The following GPC3 variants were observed in gnomAD, a reference collection of about 807,000 sequenced individuals.
The protein encoded by GPC3 is glypican 3, also known as glypican-3.
Under a neutral mutation model 34.4 loss-of-function variants are expected in GPC3, and 3 were observed. The ratio of observed to expected loss-of-function variants is 0.09; its 90% CI spans 0.04 to 0.23. The LOEUF (loss-of-function observed/expected upper bound fraction) is 0.23. Among genes scored for constraint, GPC3 ranks in the 10% least tolerant of loss-of-function variants. The pLI, the probability that GPC3 is intolerant of heterozygous loss-of-function variation, is 1.00. For synonymous variants in GPC3, 177 were observed against 174.0 expected (o/e 1.02, Z -0.13); for missense variants, 351 against 445.6 (o/e 0.79, Z 1.91).
chrX:133,810,861 CAAAAAA>C (rs11433697), intron 2 of GPC3, among the ~76,000 whole-genome samples: 1 of 61,173 alleles, frequency 1.6e-5, no homozygotes. Flanking sequence ...GACTCCGTCT[CAAAAAA>C]AAAAAAAAAA....
At chrX:133,734,119 T>A (rs1438040780) in intron 3 of GPC3, among the ~76,000 whole-genome samples, 1 of 111,746 alleles carries the variant, frequency 8.9e-6, no homozygotes, top group Non-Finnish European at 1.9e-5. Context: ...ATATTTCTCA[T>A]AAGGACAGAT....
At chrX:133,661,509 C>T (rs897209920) in intron 6 of GPC3, among the ~76,000 whole-genome samples, 5 of 103,600 alleles carry the variant, frequency 4.8e-5, no homozygotes, top group Admixed American at 1.1e-4. Context: ...GAAATAATAG[C>T]GTCTTTCCTA....
rs186483311 is a variant in GPC3 at position 133,946,296 on chromosome X, G to A, written c.337+6754C>T. Among the ~76,000 whole-genome samples, 15 of 111,680 alleles carry A rather than the reference G, an allele frequency of 1.3e-4. No individual in the cohort carries two copies. In the East Asian group the frequency reaches 1.7e-3, roughly 13 times the overall value. On this transcript the variant is annotated intron_variant, in intron 2 of 7. Transcript: ENST00000370818. ...CAGGCTATGGAGCTGTACTTCCTGCGTTCAATTCTTGTCTCTGCCATCTAT... is the reference window on the plus strand; with the variant it reads ...CAGGCTATGGAGCTGTACTTCCTGCATTCAATTCTTGTCTCTGCCATCTAT...
At chrX:133,617,702 A>T in intron 6 of GPC3, among the ~76,000 whole-genome samples, 1 of 112,204 alleles carries the variant, frequency 8.9e-6, no homozygotes, top group Non-Finnish European at 1.9e-5. Context: ...GAATATAGAG[A>T]TCAATTTGTG....
rs188823869 is a variant in GPC3, at chrX:133,652,089, C to T, written c.1413+9641G>A. ...AATTTCATTAAGATGTGACACCAGA[C>T]TTTCTGGTTTGTGGCTTCCAGAATC... On this transcript the variant is annotated intron_variant, in intron 6 of 7. Coordinates refer to ENST00000370818, the MANE Select transcript of GPC3 (RefSeq NM_004484.4). Among the ~76,000 whole-genome samples the T allele has an allele frequency of 2.1e-4, 24 of 112,388 alleles. No homozygotes were observed. The Admixed American group carries it at 2.2e-3, about 10-fold the overall frequency.
chrX:133,753,079 G>A (rs1262228271), intron 3 of GPC3, among the ~76,000 whole-genome samples: 4 of 111,745 alleles, frequency 3.6e-5, no homozygotes, highest in Admixed American at 9.5e-5. Context: ...GTCATCTATT[G>A]TGTATCAATA....
intron 6 of GPC3, among the ~76,000 whole-genome samples, chrX:133,634,918 C>A (rs1433303715): frequency 2.7e-5 from 3 of 111,766 alleles, no homozygotes; most frequent in Non-Finnish European, 5.6e-5. Flanking sequence ...GGAACTCAAG[C>A]TTGGATTAAA....
At chrX:133,768,153 G>C (rs985436505) in intron 2 of GPC3, among the ~76,000 whole-genome samples, 3 of 111,060 alleles carry the variant, frequency 2.7e-5, no homozygotes, top group African/African-American at 9.9e-5. Context: ...TGATTGCTGA[G>C]GAGTTTGATA....
intron 2 of GPC3, among the ~76,000 whole-genome samples, chrX:133,885,692 C>T (rs1280756579): frequency 9.0e-6 from 1 of 111,450 alleles, no homozygotes; most frequent in Non-Finnish European, 1.9e-5. Flanking sequence ...AAAGTCCAAA[C>T]AAAGACTGGG....
intron 2 of GPC3, among the ~76,000 whole-genome samples, chrX:133,952,688 A>C (rs1359876550): frequency 8.9e-6 from 1 of 112,490 alleles, no homozygotes; most frequent in Non-Finnish European, 1.9e-5. Flanking sequence ...CATGTATCCC[A>C]CAAGCATCTA....
chrX:133,674,058 CTACAAAA>C (rs1459874279), intron 5 of GPC3, among the ~76,000 whole-genome samples: 2 of 110,247 alleles, frequency 1.8e-5, no homozygotes, highest in Non-Finnish European at 1.9e-5. Flanking sequence ...GACCTCATCT[CTACAAAA>C]CTTAAAAACA....
At chrX:133,638,809 T>C (rs2070453414) in intron 6 of GPC3, among the ~76,000 whole-genome samples, 1 of 92,338 alleles carries the variant, frequency 1.1e-5, no homozygotes, top group Non-Finnish European at 2.0e-5. Context: ...ACACTAACAA[T>C]AGCTGATGAG....
In GPC3 at chrX:133,761,616, A is replaced by T. The variant is rs370242529; in HGVS notation, c.338-7440T>A. 9.9e-4 allele frequency among the ~76,000 whole-genome samples: 111 copies of T among 112,054 alleles called. 3 individuals are homozygous for T. In the South Asian group the frequency reaches 0.041, roughly 41 times the overall value. ...TAGATGGAGAGATAGATAGATACAG[A>T]TATTTCCCTAAAGGCTATTATAGAT... is the stretch of plus-strand genomic sequence containing the variant. On this transcript the variant is annotated intron_variant, in intron 2 of 7. Coordinates refer to ENST00000370818, the MANE Select transcript of GPC3 (RefSeq NM_004484.4).
intron 2 of GPC3, among the ~76,000 whole-genome samples, chrX:133,912,441 T>C (rs1243891157): frequency 2.7e-5 from 3 of 111,788 alleles, no homozygotes; most frequent in Admixed American, 1.9e-4. Flanking sequence ...CACTGTATGA[T>C]AGCTTAAACT....
intron 6 of GPC3, among the ~76,000 whole-genome samples, chrX:133,632,706 C>T (rs1307531951): frequency 9.0e-6 from 1 of 111,494 alleles, no homozygotes; most frequent in Non-Finnish European, 1.9e-5. Context: ...CTGCCTTATA[C>T]TATTTTCTAA....
intron 2 of GPC3, among the ~76,000 whole-genome samples, chrX:133,844,667 A>G (rs914931308): frequency 6.3e-5 from 7 of 111,729 alleles, no homozygotes. Flanking sequence ...CTTATTCTTC[A>G]CATTCTAAGG....
At chrX:133,779,694 C>G (rs1260740697) in intron 2 of GPC3, among the ~76,000 whole-genome samples, 1 of 110,835 alleles carries the variant, frequency 9.0e-6, no homozygotes, top group Non-Finnish European at 1.9e-5. Context: ...CCAATTTTAT[C>G]TTGCATGGGT....
chrX:133,605,755 CA>C (rs774946775), intron 6 of GPC3, among the ~76,000 whole-genome samples: 3 of 109,976 alleles, frequency 2.7e-5, no homozygotes, highest in Non-Finnish European at 5.7e-5. Flanking sequence ...CCTCCTAAGG[CA>C]AAAAAAAGTA....
intron 1 of GPC3, among the ~76,000 whole-genome samples, chrX:133,959,290 G>A (rs1046396453): frequency 8.9e-6 from 1 of 112,005 alleles, no homozygotes; most frequent in African/African-American, 3.2e-5. Flanking sequence ...CCCCAGGAGT[G>A]GGACTTCAGC....
Sources: allele counts gnomAD v4.1 joint callset (sites outside exome capture counted in the v4.1 genomes callset), GRCh38; gene constraint gnomAD v4.1.1; transcripts MANE v1.5; gene names NCBI Gene and HGNC (gene_info 2026-07-23, HGNC 2026-07-21).